THSD7B: variants seen among roughly 807,000 people sequenced by gnomAD.
The protein encoded by THSD7B is thrombospondin type-1 domain-containing protein 7B.
Under a neutral mutation model 213.6 loss-of-function variants are expected in THSD7B, and 138 were observed. The ratio of observed to expected loss-of-function variants is 0.65; its 90% CI spans 0.56 to 0.74. The LOEUF is 0.74. Ranked by LOEUF, THSD7B falls within the 30% of genes least tolerant of loss-of-function variation. The pLI is 0.00. For synonymous variants in THSD7B, 742 were observed against 687.0 expected (o/e 1.08, Z -1.25); for missense variants, 1,931 against 1,991.5 (o/e 0.97, Z 0.58).
chr2:137,548,955 G>T (rs1395955632), intron 15 of THSD7B, among the ~76,000 whole-genome samples: 2 of 151,936 alleles, frequency 1.3e-5, no homozygotes, highest in African/African-American at 4.8e-5. Flanking sequence ...GGCAACAGTT[G>T]CATGCATCCT....
At chr2:137,238,138 G>A (rs1681809706) in intron 9 of THSD7B, among the ~76,000 whole-genome samples, 1 of 152,176 alleles carries the variant, frequency 6.6e-6, no homozygotes, top group Non-Finnish European at 1.5e-5. Flanking sequence ...TTCCCTAAAA[G>A]AGATTAATGC....
chr2:137,368,649 G>T (rs891139156), intron 12 of THSD7B, among the ~76,000 whole-genome samples: 1 of 151,924 alleles, frequency 6.6e-6, no homozygotes, highest in Non-Finnish European at 1.5e-5. Context: ...ACAACCAAGA[G>T]AATTTTACTT....
chr2:136,817,060 A>G (rs1024415698), intron 1 of THSD7B, among the ~76,000 whole-genome samples: 1 of 152,230 alleles, frequency 6.6e-6, no homozygotes, highest in South Asian at 2.1e-4. Context: ...CTCAATGTGT[A>G]GAAGCCTCTA....
chr2:137,667,516 C>T (rs542106072), intron 26 of THSD7B, among the ~76,000 whole-genome samples: 1 of 152,110 alleles, frequency 6.6e-6, no homozygotes, highest in Admixed American at 6.5e-5. Context: ...TTTTCATAGA[C>T]ATAATTTCTA....
chr2:137,005,464 G>A (rs1001928844), intron 2 of THSD7B, among the ~76,000 whole-genome samples: 4 of 152,174 alleles, frequency 2.6e-5, no homozygotes, highest in African/African-American at 7.2e-5. Context: ...TGACTTTCAC[G>A]TCAGTGGAGT....
At chr2:137,264,020 G>A (rs560961465) in intron 10 of THSD7B, among the ~76,000 whole-genome samples, 38 of 152,132 alleles carry the variant, frequency 2.5e-4, no homozygotes, top group Non-Finnish European at 4.7e-4. Flanking sequence ...CTGCTGCACT[G>A]GGTAGATTTA....
intron 16 of THSD7B, among the ~76,000 whole-genome samples, chr2:137,571,852 T>C (rs1340783203): frequency 6.6e-6 from 1 of 152,184 alleles, no homozygotes; most frequent in Non-Finnish European, 1.5e-5. Flanking sequence ...TTTACTGAAA[T>C]GCAGAAGTTA....
At chr2:137,601,221 TTATA>T (rs1239309451) in intron 17 of THSD7B, among the ~76,000 whole-genome samples, 2 of 152,144 alleles carry the variant, frequency 1.3e-5, no homozygotes, top group African/African-American at 4.8e-5. Context: ...TGTACAATGT[TTATA>T]AAGTCTACCA....
chr2:137,645,288 T>C (rs1387665537), intron 21 of THSD7B, among the ~76,000 whole-genome samples: 2 of 152,252 alleles, frequency 1.3e-5, no homozygotes, highest in African/African-American at 4.8e-5. Context: ...ATAAGCACCA[T>C]CTGCCTATTC....
intron 10 of THSD7B, among the ~76,000 whole-genome samples, chr2:137,270,290 C>T (rs537622653): frequency 6.2e-4 from 94 of 152,008 alleles, no homozygotes; most frequent in African/African-American, 1.9e-3. Context: ...GCCAATAAGC[C>T]GGGGGGCTAC....
intron 1 of THSD7B, among the ~76,000 whole-genome samples, chr2:136,777,784 A>G (rs1681642196): frequency 6.6e-6 from 1 of 152,222 alleles, no homozygotes; most frequent in Admixed American, 6.5e-5. Flanking sequence ...TTTTGGAAAC[A>G]GAGAAAGACA....
intron 2 of THSD7B, among the ~76,000 whole-genome samples, chr2:137,051,140 T>C (rs779550925): frequency 1.3e-5 from 2 of 152,218 alleles, no homozygotes; most frequent in African/African-American, 2.4e-5. Flanking sequence ...AGCATTAAGA[T>C]TGTTAATACT....
intron 14 of THSD7B, among the ~76,000 whole-genome samples, chr2:137,424,521 G>C (rs1197692520): frequency 6.6e-6 from 1 of 152,084 alleles, no homozygotes; most frequent in Non-Finnish European, 1.5e-5. Context: ...ACATTAAAAG[G>C]ATCATATACA....
chr2:136,890,420 T>C (rs1171996067), intron 2 of THSD7B, among the ~76,000 whole-genome samples: 3 of 2,764 alleles, frequency 1.1e-3, no homozygotes, highest in Admixed American at 9.4e-3. Context: ...TTCTTCTTCT[T>C]CTTCTTCTTC....
intron 3 of THSD7B, among the ~76,000 whole-genome samples, chr2:137,082,101 T>C (rs1687758338): frequency 6.6e-6 from 1 of 152,158 alleles, no homozygotes; most frequent in Non-Finnish European, 1.5e-5. Flanking sequence ...CGAACTGTTT[T>C]CTGTATTTTG....
At chr2:137,112,363 TAA>T (rs35106366) in intron 4 of THSD7B, among the ~76,000 whole-genome samples, 1 of 150,178 alleles carries the variant, frequency 6.7e-6, no homozygotes, top group African/African-American at 2.4e-5. Flanking sequence ...TCTGAGGTGG[TAA>T]AAAAAAAATA....
intron 12 of THSD7B, among the ~76,000 whole-genome samples, chr2:137,351,882 C>T (rs1223897347): frequency 1.3e-5 from 2 of 151,884 alleles, no homozygotes; most frequent in East Asian, 1.9e-4. Context: ...TAGCTTGGGC[C>T]ACGTGCAGCC....
intron 3 of THSD7B, among the ~76,000 whole-genome samples, chr2:137,061,978 CT>C (rs757971866): frequency 6.6e-6 from 1 of 151,702 alleles, no homozygotes; most frequent in African/African-American, 2.4e-5. Context: ...GGACCTCATG[CT>C]TTCTGATTTG....
intron 1 of THSD7B, among the ~76,000 whole-genome samples, chr2:136,818,223 AATG>A: frequency 6.7e-6 from 1 of 149,150 alleles, no homozygotes; most frequent in Non-Finnish European, 1.5e-5. Flanking sequence ...AGCCATAAAA[AATG>A]ATGAGTTCAT....
Sources: allele counts gnomAD v4.1 joint callset (sites outside exome capture counted in the v4.1 genomes callset), GRCh38; gene constraint gnomAD v4.1.1; transcripts MANE v1.5; gene names NCBI Gene and HGNC (gene_info 2026-07-23, HGNC 2026-07-21).